CDK7: variants seen among roughly 807,000 people sequenced by gnomAD.
CDK7 encodes cyclin-dependent kinase 7.
In CDK7, 25 loss-of-function variants were observed where a neutral mutation model predicts 49.1. The ratio of observed to expected loss-of-function variants is 0.51; its 90% CI spans 0.37 to 0.71. CDK7 has a LOEUF of 0.71. Among genes scored for constraint, CDK7 ranks in the 30% least tolerant of loss-of-function variants. The pLI, the probability that CDK7 is intolerant of heterozygous loss-of-function variation, is 0.00. For synonymous variants in CDK7, 107 were observed against 140.0 expected (o/e 0.76, Z 1.67); for missense variants, 316 against 411.7 (o/e 0.77, Z 2.01).
At chr5:69,272,757 A>G (rs986439454) in intron 9 of CDK7, 135 bp from the exon 10 acceptor site, 1 of 463,318 alleles carries the variant, frequency 2.2e-6, no homozygotes, top group South Asian at 8.7e-5. Flanking sequence ...TTGTCTTACT[A>G]CTAGTTCTAG....
At chr5:69,249,474 C>T (rs1021266734) in intron 2 of CDK7, among the ~76,000 whole-genome samples, 2 of 151,816 alleles carry the variant, frequency 1.3e-5, no homozygotes, top group Non-Finnish European at 2.9e-5. Flanking sequence ...GCCTGGGAGG[C>T]GGAGGTTGCA....
At chr5:69,276,764 G>A in intron 11 of CDK7, 74 bp downstream of exon 11, 1 of 1,244,894 alleles carries the variant, frequency 8.0e-7, no homozygotes, top group Non-Finnish European at 1.1e-6. Flanking sequence ...GCTAGCGACT[G>A]AACAACAGCA....
At chr5:69,270,279 C>A (rs891830723) in intron 9 of CDK7, among the ~76,000 whole-genome samples, 2 of 151,882 alleles carry the variant, frequency 1.3e-5, no homozygotes, top group African/African-American at 4.8e-5. Flanking sequence ...CTATAAAAAA[C>A]AAAAATTAAA....
chr5:69,235,792 T>C (rs1219776744), intron 2 of CDK7, among the ~76,000 whole-genome samples: 1 of 152,234 alleles, frequency 6.6e-6, no homozygotes, highest in African/African-American at 2.4e-5. Context: ...ATCCACTCAG[T>C]GTGTCGTATC....
At chr5:69,273,417 T>C (rs1751764716) in intron 10 of CDK7, among the ~76,000 whole-genome samples, 1 of 152,184 alleles carries the variant, frequency 6.6e-6, no homozygotes, top group Non-Finnish European at 1.5e-5. Context: ...CTTGTAGCAA[T>C]GCTGAAAGTA....
intron 2 of CDK7, among the ~76,000 whole-genome samples, chr5:69,236,462 G>A (rs1471175345): frequency 1.3e-5 from 2 of 151,940 alleles, no homozygotes; most frequent in African/African-American, 2.4e-5. Flanking sequence ...TTTTGTTACC[G>A]TTGCTACTTT....
At chr5:69,241,133 T>G (rs921335550) in intron 2 of CDK7, among the ~76,000 whole-genome samples, 2 of 152,142 alleles carry the variant, frequency 1.3e-5, no homozygotes, top group Non-Finnish European at 2.9e-5. Context: ...ATGATAGTTC[T>G]ATTTTTAGTT....
At chr5:69,251,107 T>C (rs1353756829) in intron 2 of CDK7, among the ~76,000 whole-genome samples, 2 of 150,790 alleles carry the variant, frequency 1.3e-5, no homozygotes, top group African/African-American at 2.4e-5. Context: ...CTTTTTTTTT[T>C]TTTTTTTCGA....
chr5:69,270,716 A>T (rs1424888114), intron 9 of CDK7, among the ~76,000 whole-genome samples: 2 of 152,248 alleles, frequency 1.3e-5, no homozygotes, highest in East Asian at 3.8e-4. Flanking sequence ...GATAAATGGA[A>T]TCACACAATA....
At chr5:69,250,726 C>T in intron 2 of CDK7, 1 of 456,654 alleles carries the variant, frequency 2.2e-6, no homozygotes, top group South Asian at 1.5e-5. Context: ...TTACTCTTCC[C>T]TCTCATTTTC....
rs752051389 is a variant in CDK7, at chr5:69,235,428, C to G, written c.101C>G (p.Thr34Ser). The change falls in exon 2 of 12, where the codon ACC becomes AGC. Residue 34 changes from threonine to serine, a missense_variant. Thr to Ser is a moderately conservative substitution (Grantham distance 58, BLOSUM62 1). Transcript: ENST00000256443. Reference sequence around the variant, plus strand: ...GTTTACAAGGCCAGAGATAAGAACACCAACCAAATTGTCGCCATTAAGAAA... The same window carrying G: ...GTTTACAAGGCCAGAGATAAGAACAGCAACCAAATTGTCGCCATTAAGAAA... ...ATVYKARDKN[T>S]NQIVAIKKIK... The G allele has an allele frequency of 6.2e-7, 1 of 1,602,836 alleles. No homozygotes were observed. The highest frequency in any genetic ancestry group is 8.5e-7 in the Non-Finnish European group (1 of 1,170,132).
intron 2 of CDK7, among the ~76,000 whole-genome samples, chr5:69,245,309 C>A (rs1749674937): frequency 9.4e-6 from 1 of 106,054 alleles, no homozygotes; most frequent in African/African-American, 3.4e-5. Flanking sequence ...CCCTCCCCTT[C>A]CCCCTCCCCT....
At chr5:69,276,981 T>C (rs1752217808) in intron 11 of CDK7, 126 bp from the exon 12 acceptor site, 1 of 793,144 alleles carries the variant, frequency 1.3e-6, no homozygotes, top group Admixed American at 2.8e-5. Flanking sequence ...TAACAAGTGC[T>C]ACTGGAAAAA....
At chr5:69,266,317 G>A (rs996094192) in intron 8 of CDK7, among the ~76,000 whole-genome samples, 2 of 152,132 alleles carry the variant, frequency 1.3e-5, no homozygotes, top group African/African-American at 2.4e-5. Flanking sequence ...GGCTGGGTGC[G>A]GTGGCTTATG....
At chr5:69,254,277 A>T (rs1750337190) in intron 3 of CDK7, among the ~76,000 whole-genome samples, 1 of 152,110 alleles carries the variant, frequency 6.6e-6, no homozygotes, top group African/African-American at 2.4e-5. Flanking sequence ...TAATCCCAGC[A>T]CTTCAGGAGG....
chr5:69,237,731 A>G (rs932477083), intron 2 of CDK7, among the ~76,000 whole-genome samples: 1 of 152,084 alleles, frequency 6.6e-6, no homozygotes, highest in African/African-American at 2.4e-5. Flanking sequence ...CAGGCGGATC[A>G]CCTGAGGTCA....
rs1750591864 is a variant in CDK7, at chr5:69,258,024, T to C, written c.298-19T>C. On this transcript the variant is annotated intron_variant, in intron 5 of 11. Transcript: ENST00000256443. ...TGAAATAATAAAGGGTACCTGTATA[T>C]TGTATACTTGCTTTACAGGTTATAA... The C allele has an allele frequency of 8.6e-7, 1 of 1,157,184 alleles. No homozygotes were observed. Among genetic ancestry groups the C allele is most frequent in the Non-Finnish European group, 1.3e-6 (1 of 779,574 alleles). The allele number at this position is 1,157,184 out of a possible 1,614,324, so 71.7% of individuals were successfully genotyped here.
chr5:69,255,674 G>A, intron 5 of CDK7, 146 bp downstream of exon 5: 2 of 715,914 alleles, frequency 2.8e-6, no homozygotes, highest in Non-Finnish European at 5.1e-6. Context: ...GAGGCAAAAG[G>A]ATCTCTAGTT....
At chr5:69,240,395 A>G (rs2972385) in intron 2 of CDK7, among the ~76,000 whole-genome samples, 42,520 of 152,074 alleles carry the variant, frequency 0.28, 6,532 homozygotes, top group East Asian at 0.4. Context: ...TGGCATGGTT[A>G]TGTAAGAATG....
Sources: gnomAD v4.1 joint callset for allele counts (sites outside exome capture counted in the v4.1 genomes callset) on GRCh38, gnomAD v4.1.1 for gene constraint, MANE v1.5 for transcripts, NCBI Gene and HGNC (gene_info 2026-07-23, HGNC 2026-07-21) for gene names.